Variants in TMED3 observed in about 807,000 individuals in gnomAD.
TMED3 encodes the protein transmembrane p24 trafficking protein 3, also known as transmembrane emp24 domain-containing protein 3.
A neutral mutation model predicts 15.0 loss-of-function variants in TMED3; 9 were observed. The ratio of observed to expected loss-of-function variants is 0.60; its 90% CI spans 0.36 to 1.04. The LOEUF (loss-of-function observed/expected upper bound fraction) is 1.04, where lower values mean the gene tolerates loss of function less well. Ranked by LOEUF, TMED3 falls within the 50% of genes least tolerant of loss-of-function variation. TMED3 has a pLI of 0.01. For synonymous variants in TMED3, 117 were observed against 121.4 expected (o/e 0.96, Z 0.24); for missense variants, 267 against 278.9 (o/e 0.96, Z 0.30).
At chr15:79,368,298 TG>T (rs1450852920) in intron 2 of TMED3, among the ~76,000 whole-genome samples, 1 of 152,208 alleles carries the variant, frequency 6.6e-6, no homozygotes, top group African/African-American at 2.4e-5. Flanking sequence ...CATGCTTTTT[TG>T]ATCATAATTC....
At chr15:79,356,785 A>G (rs1261985744) in intron 2 of TMED3, among the ~76,000 whole-genome samples, 2 of 152,208 alleles carry the variant, frequency 1.3e-5, no homozygotes, top group East Asian at 3.8e-4. Context: ...CAGTGCTCTA[A>G]GATCTGTGTA....
At chr15:79,401,643 C>G (rs954577389) in intron 2 of TMED3, among the ~76,000 whole-genome samples, 2 of 152,108 alleles carry the variant, frequency 1.3e-5, no homozygotes, top group African/African-American at 2.4e-5. Context: ...CTGTCCTCAC[C>G]TGGTGAGGAA....
chr15:79,345,683 G>A (rs1172663372), intron 2 of TMED3, among the ~76,000 whole-genome samples: 1 of 152,106 alleles, frequency 6.6e-6, no homozygotes, highest in African/African-American at 2.4e-5. Flanking sequence ...GGGATTGCTG[G>A]GTCAAATAAT....
chr15:79,313,113 AT>A (rs1294331233), intron 1 of TMED3, among the ~76,000 whole-genome samples: 1 of 152,226 alleles, frequency 6.6e-6, no homozygotes, highest in African/African-American at 2.4e-5. Context: ...TCCTCAGAGA[AT>A]AAAGTAACTT....
intron 2 of TMED3, among the ~76,000 whole-genome samples, chr15:79,382,433 A>C (rs893821005): frequency 7.2e-5 from 11 of 152,224 alleles, no homozygotes; most frequent in Admixed American, 2.6e-4. Context: ...TGACAGTAGT[A>C]CCTGCTTGGA....
intron 2 of TMED3, among the ~76,000 whole-genome samples, chr15:79,370,256 A>ATTTTTTTT (rs398028085): frequency 4.2e-3 from 436 of 104,692 alleles, no homozygotes; most frequent in East Asian, 6.0e-3. Context: ...TGCCCAGCTA[A>ATTTTTTTT]TTTTTTTTTT....
intron 2 of TMED3, among the ~76,000 whole-genome samples, chr15:79,402,989 C>T (rs924720712): frequency 2.0e-5 from 3 of 151,440 alleles, no homozygotes; most frequent in East Asian, 1.9e-4. Context: ...GAGGCTGAGG[C>T]GTGTGGATAA....
At chr15:79,331,542 C>CAAAAAAAAAAAAAAAAAAAAGAAAA (rs71451761) in intron 2 of TMED3, among the ~76,000 whole-genome samples, 4 of 89,252 alleles carry the variant, frequency 4.5e-5, no homozygotes, top group Non-Finnish European at 8.3e-5. Context: ...GCAAAAGAAG[C>CAAAAAAAAAAAAAAAAAAAAGAAAA]AAAAAAAAAA....
At chr15:79,333,674 G>T (rs1474620348) in intron 2 of TMED3, among the ~76,000 whole-genome samples, 1 of 152,118 alleles carries the variant, frequency 6.6e-6, no homozygotes, top group Non-Finnish European at 1.5e-5. Flanking sequence ...GTTTTGTTGG[G>T]CTATTTTCAG....
At chr15:79,332,902 G>A (rs2058814668) in intron 2 of TMED3, among the ~76,000 whole-genome samples, 1 of 152,148 alleles carries the variant, frequency 6.6e-6, no homozygotes, top group South Asian at 2.1e-4. Flanking sequence ...CTCCTCTCCA[G>A]CCTTAGGGAA....
chr15:79,314,115 G>A (rs2058730504), intron 2 of TMED3, 110 bp downstream of exon 2: 1 of 1,445,066 alleles, frequency 6.9e-7, no homozygotes, highest in South Asian at 1.4e-5. Flanking sequence ...CTCCCAGTCT[G>A]GAAGTCTCAG....
chr15:79,402,607 G>A (rs550179562), intron 2 of TMED3, among the ~76,000 whole-genome samples: 4 of 151,936 alleles, frequency 2.6e-5, no homozygotes, highest in African/African-American at 7.2e-5. Flanking sequence ...GTGAAACCCC[G>A]TCTTTACTAA....
At chr15:79,371,175 A>G (rs1010097679) in intron 2 of TMED3, among the ~76,000 whole-genome samples, 1 of 152,254 alleles carries the variant, frequency 6.6e-6, no homozygotes, top group African/African-American at 2.4e-5. Context: ...AAAGATGTGT[A>G]TTCTTAAAGG....
At chr15:79,387,609 CACACACACACAT>C (rs1056144360) in intron 2 of TMED3, among the ~76,000 whole-genome samples, 3 of 151,918 alleles carry the variant, frequency 2.0e-5, no homozygotes, top group East Asian at 3.9e-4. Context: ...CACACACACA[CACACACACACAT>C]ACACACACAC....
At chr15:79,383,065 G>T in intron 2 of TMED3, 1 of 1,527,388 alleles carries the variant, frequency 6.5e-7, no homozygotes, top group South Asian at 1.2e-5. Context: ...TACCTCCTGT[G>T]CATGCTCCAC....
At chr15:79,384,984 A>G (rs1216059000) in intron 2 of TMED3, among the ~76,000 whole-genome samples, 1 of 152,210 alleles carries the variant, frequency 6.6e-6, no homozygotes, top group Non-Finnish European at 1.5e-5. Flanking sequence ...AGGTTCTCAC[A>G]TTGGGACTGA....
chr15:79,327,655 C>G (rs2058792216), downstream of TMED3, among the ~76,000 whole-genome samples: 1 of 152,086 alleles, frequency 6.6e-6, no homozygotes, highest in South Asian at 2.1e-4. Flanking sequence ...CACACGCACC[C>G]AAAAAAACAC....
chr15:79,352,672 A>AT lies in TMED3; in HGVS notation c.417+38667_417+38668insT, dbSNP rs1418008392. Reference sequence around the variant, plus strand: ...ACAAGGTCATTAACTAAGAAAAAAAAAATATATATATATATGTAACTGAAT... The same window carrying AT: ...ACAAGGTCATTAACTAAGAAAAAAAATAATATATATATATATGTAACTGAAT... On this transcript the variant is annotated intron_variant, in intron 2 of 2. Transcript: ENST00000424155. Among the ~76,000 whole-genome samples the AT allele has an allele frequency of 2.2e-3, 291 of 130,162 alleles. 1 individual carries two copies. The highest frequency in any genetic ancestry group is 4.6e-3 in the African/African-American group (149 of 32,320). 85.4% of individuals were successfully genotyped at this position (130,162 alleles called of 152,430 possible). A position where few individuals can be genotyped will look rare whatever the true frequency, so the allele number is the denominator to read the frequency against.
At chr15:79,373,147 A>T (rs980605521) in intron 2 of TMED3, among the ~76,000 whole-genome samples, 1 of 152,206 alleles carries the variant, frequency 6.6e-6, no homozygotes, top group Non-Finnish European at 1.5e-5. Context: ...TTCTCTTGCC[A>T]TGCAATGAAT....
Sources: allele counts gnomAD v4.1 joint callset (sites outside exome capture counted in the v4.1 genomes callset), GRCh38; gene constraint gnomAD v4.1.1; transcripts MANE v1.5; gene names NCBI Gene and HGNC (gene_info 2026-07-23, HGNC 2026-07-21).